The following KCNQ1 variants were observed in gnomAD, a reference collection of about 807,000 sequenced individuals.
KCNQ1 encodes the protein potassium voltage-gated channel subfamily KQT member 1.
KCNQ1 carries 49 observed loss-of-function variants against 72.4 expected under a neutral mutation model. That is an observed-to-expected ratio of 0.68 (90% confidence interval 0.54 to 0.86). KCNQ1 has a LOEUF of 0.86. KCNQ1 is among the 40% of genes least tolerant of loss of function. The pLI is 0.00. For missense variants in KCNQ1, 790 were observed against 945.1 expected (o/e 0.84, Z 2.15); for synonymous variants, 450 against 412.6 (o/e 1.09, Z -1.10).
In KCNQ1 at chr11:2,735,525, A is replaced by G. The variant is rs1845942391; in HGVS notation, c.1515-33319A>G. On this transcript the variant is annotated intron_variant, in intron 11 of 15. Transcript: ENST00000155840. This position sits in a 1 kb window ranked among gnomAD's most constrained non-coding sequence, Gnocchi z 7.7. ...CCTCACCCACCCATCCACACCCCGCAGGCATCCTAGGGCCTGGCCCACCAC... is the reference window on the plus strand; with the variant it reads ...CCTCACCCACCCATCCACACCCCGCGGGCATCCTAGGGCCTGGCCCACCAC... 6.6e-6 allele frequency among the ~76,000 whole-genome samples: 1 copy of G among 151,616 alleles called. No homozygotes were observed. Among genetic ancestry groups the G allele is most frequent in the Admixed American group, 6.6e-5 (1 of 15,244 alleles).
chr11:2,793,970 C>T (rs934326897), intron 15 of KCNQ1, among the ~76,000 whole-genome samples: 7 of 152,122 alleles, frequency 4.6e-5, no homozygotes, highest in African/African-American at 1.7e-4. Context: ...GAGGGTGACA[C>T]AGGGTGGAAG....
At position 2,642,601 on chromosome 11, in the gene KCNQ1, C is replaced by G. The variant is rs1849596845; in HGVS notation, c.1394-19360C>G. 12 of 397,464 alleles carry G rather than the reference C, an allele frequency of 3.0e-5. No individual in the cohort carries two copies. In the East Asian group the frequency reaches 4.3e-4, roughly 14 times the overall value. The allele number at this position is 397,464 out of a possible 1,614,324, so 24.6% of individuals were successfully genotyped here. A position where few individuals can be genotyped will look rare whatever the true frequency, so the allele number is the denominator to read the frequency against. On this transcript the variant is annotated intron_variant, in intron 10 of 15. Transcript: ENST00000155840. This position sits in a 1 kb window ranked among gnomAD's most constrained non-coding sequence, Gnocchi z 4.3. Reference sequence around the variant, plus strand: ...AGTTTAGCCACTGGTTATTTTGTTTCTTTTCAAAAACCGATTTTGCATTTC... The same window carrying G: ...AGTTTAGCCACTGGTTATTTTGTTTGTTTTCAAAAACCGATTTTGCATTTC...
chr11:2,589,596 C>G (rs544679556), intron 10 of KCNQ1, among the ~76,000 whole-genome samples: 2 of 152,212 alleles, frequency 1.3e-5, no homozygotes, highest in South Asian at 4.2e-4. Flanking sequence ...CAGCAGTGCC[C>G]GGTTGTGGCT....
At chr11:2,503,111 AC>A (rs1847043759) in intron 1 of KCNQ1, among the ~76,000 whole-genome samples, 1 of 152,254 alleles carries the variant, frequency 6.6e-6, no homozygotes, top group South Asian at 2.1e-4. Flanking sequence ...ACTCTCCAGG[AC>A]ATTGGAGTGG....
At chr11:2,694,217 A>G in intron 11 of KCNQ1, 1 of 398,688 alleles carries the variant, frequency 2.5e-6, no homozygotes. Flanking sequence ...GTGAGGCTAT[A>G]GGTGTTAGAT....
rs572529223 is a variant in KCNQ1 at position 2,649,486 on chromosome 11, CT to C, written c.1394-12474del. 13 of 398,388 alleles carry C rather than the reference CT, an allele frequency of 3.3e-5. 1 individual carries two copies. The highest frequency in any genetic ancestry group is 5.8e-5 in the Non-Finnish European group (13 of 226,042). The allele number at this position is 398,388 out of a possible 1,614,324, so 24.7% of individuals were successfully genotyped here. On this transcript the variant is annotated intron_variant, in intron 10 of 15. Coordinates refer to ENST00000155840, the MANE Select transcript of KCNQ1 (RefSeq NM_000218.3). ...GGCTGATTTAGTAGTAATGAATTCC[CT>C]CAGTTTTTGCTTGTCTGAGGGAGGC...
chr11:2,780,658 G>A (rs757220433), intron 15 of KCNQ1, among the ~76,000 whole-genome samples: 3 of 152,232 alleles, frequency 2.0e-5, no homozygotes, highest in South Asian at 2.1e-4. Context: ...AGAGGTCTCC[G>A]GGATGCACAG....
intron 11 of KCNQ1, chr11:2,699,770 A>G: frequency 2.7e-6 from 1 of 370,226 alleles, no homozygotes; most frequent in Non-Finnish European, 4.7e-6. Flanking sequence ...CGCGCTGAGG[A>G]GCCCCGAGGA....
chr11:2,753,218 G>A (rs913157267), intron 11 of KCNQ1, among the ~76,000 whole-genome samples: 3 of 152,148 alleles, frequency 2.0e-5, no homozygotes, highest in Non-Finnish European at 4.4e-5. Context: ...TATCTGAGGC[G>A]GGGGAGTCAC....
At chr11:2,504,152 A>G (rs1847062030) in intron 1 of KCNQ1, among the ~76,000 whole-genome samples, 1 of 152,258 alleles carries the variant, frequency 6.6e-6, no homozygotes, top group South Asian at 2.1e-4. Flanking sequence ...TAGCCATGAA[A>G]AAGAATGAGA....
At position 2,464,636 on chromosome 11, in the gene KCNQ1, G is replaced by A. The variant is rs73419509; in HGVS notation, c.386+19152G>A. On this transcript the variant is annotated intron_variant, in intron 1 of 15. Transcript: ENST00000155840. This position sits in a 1 kb window ranked among gnomAD's most constrained non-coding sequence, Gnocchi z 5.0. The stretch of plus-strand genomic sequence containing the variant: ...GGGGAGGCCTGGGGGACAGGAGTTG[G>A]GGGGGTGGGCAGTGCCTCTGTGTGG... Among the ~76,000 whole-genome samples, 786 of 152,224 alleles carry A rather than the reference G, an allele frequency of 5.2e-3. 5 individuals carry two copies. The highest frequency in any genetic ancestry group is 0.018 in the African/African-American group (759 of 41,514).
At chr11:2,804,381 C>T (rs906913444) in intron 15 of KCNQ1, among the ~76,000 whole-genome samples, 4 of 152,186 alleles carry the variant, frequency 2.6e-5, no homozygotes, top group East Asian at 1.9e-4. Flanking sequence ...GAATGCAGGC[C>T]GCCTGGTCAA....
rs188672886 is a variant in KCNQ1, at chr11:2,677,012, A to G, written c.1514+14931A>G. The G allele has an allele frequency of 1.5e-5, 6 of 398,626 alleles. No individual in the cohort carries two copies. Among genetic ancestry groups the G allele is most frequent in the African/African-American group, 1.2e-4 (6 of 48,754 alleles). 24.7% of individuals were successfully genotyped at this position (398,626 alleles called of 1,614,324 possible). On this transcript the variant is annotated intron_variant, in intron 11 of 15. Coordinates refer to ENST00000155840, the MANE Select transcript of KCNQ1 (RefSeq NM_000218.3). This position sits in a 1 kb window ranked among gnomAD's most constrained non-coding sequence, Gnocchi z 4.5. ...GCAGAGTTTCATTGTGCCATGATTT[A>G]TGGAACAGATCCTCTGTTGATGGAT...
Position 2,462,376 on chromosome 11 carries a change from C to T in KCNQ1, c.386+16892C>T, listed in dbSNP as rs570741265. Reference sequence around the variant, plus strand: ...CTTCTGACTTGCCTCCTCTCTCTGACGGGCCTGCTCCTGAGCTTGACACCT... The same window carrying T: ...CTTCTGACTTGCCTCCTCTCTCTGATGGGCCTGCTCCTGAGCTTGACACCT... On this transcript the variant is annotated intron_variant, in intron 1 of 15. Coordinates refer to ENST00000155840, the MANE Select transcript of KCNQ1 (RefSeq NM_000218.3). This position sits in a 1 kb window ranked among gnomAD's most constrained non-coding sequence, Gnocchi z 8.2. Among the ~76,000 whole-genome samples the T allele has an allele frequency of 5.1e-4, 78 of 152,216 alleles. No homozygotes were observed. The highest frequency in any genetic ancestry group is 9.6e-4 in the Non-Finnish European group (65 of 68,040).
rs1846540108 is a variant in KCNQ1 at position 2,768,804 on chromosome 11, G to A, written c.1515-40G>A. 30 of 1,516,900 alleles carry A rather than the reference G, an allele frequency of 2.0e-5. No individual in the cohort carries two copies. Among genetic ancestry groups the A allele is most frequent in the Non-Finnish European group, 2.7e-5 (30 of 1,091,252 alleles). The allele number at this position is 1,516,900 out of a possible 1,614,324, so 94.0% of individuals were successfully genotyped here. ...GGGCAGTGAGGGGATGACCAGCACA[G>A]GGTGGCCACTCACAATCTCCTCTCC... On this transcript the variant is annotated intron_variant, in intron 11 of 15. Transcript: ENST00000155840. This position sits in a 1 kb window ranked among gnomAD's most constrained non-coding sequence, Gnocchi z 6.7.
Position 2,493,234 on chromosome 11 carries a change from G to A in KCNQ1, c.387-34694G>A, listed in dbSNP as rs1228628314. 6.6e-6 allele frequency among the ~76,000 whole-genome samples: 1 copy of A among 151,972 alleles called. No individual in the cohort carries two copies. Among genetic ancestry groups the A allele is most frequent in the African/African-American group, 2.4e-5 (1 of 41,354 alleles). On this transcript the variant is annotated intron_variant, in intron 1 of 15. Coordinates refer to ENST00000155840, the MANE Select transcript of KCNQ1 (RefSeq NM_000218.3). The surrounding 1 kb of genome is among the most constrained non-coding windows in gnomAD (Gnocchi z 5.3). ...TTTTTCTTGTAAATTTAAGTTCCTTGTAGATTTTGGATATTAGACCTTGTC... is the reference window on the plus strand; with the variant it reads ...TTTTTCTTGTAAATTTAAGTTCCTTATAGATTTTGGATATTAGACCTTGTC...
intron 15 of KCNQ1, among the ~76,000 whole-genome samples, chr11:2,838,932 C>T (rs1198829267): frequency 6.6e-6 from 1 of 152,180 alleles, no homozygotes; most frequent in Non-Finnish European, 1.5e-5. Flanking sequence ...GCTCCTGGGC[C>T]CCCAGCCTGC....
At position 2,563,909 on chromosome 11, in the gene KCNQ1, G is replaced by A. The variant is rs1848209494; in HGVS notation, c.478-6719G>A. ...TGCTGAACTAACAATAGTCAGTGAAGATTAAGAACTAAAGGCTCAAGGACA... is the reference window on the plus strand; with the variant it reads ...TGCTGAACTAACAATAGTCAGTGAAAATTAAGAACTAAAGGCTCAAGGACA... On this transcript the variant is annotated intron_variant, in intron 2 of 15. Transcript: ENST00000155840. The surrounding 1 kb of genome is among the most constrained non-coding windows in gnomAD (Gnocchi z 7.4). Among the ~76,000 whole-genome samples the A allele has an allele frequency of 6.6e-6, 1 of 152,232 alleles. No homozygotes were observed. The highest frequency in any genetic ancestry group is 6.5e-5 in the Admixed American group (1 of 15,288).
intron 6 of KCNQ1, among the ~76,000 whole-genome samples, chr11:2,581,889 T>G (rs1183014526): frequency 6.6e-6 from 1 of 152,054 alleles, no homozygotes; most frequent in African/African-American, 2.4e-5. Context: ...CATGGGGGCA[T>G]GTGTGTGTCT....
Sources: allele counts gnomAD v4.1 joint callset (sites outside exome capture counted in the v4.1 genomes callset), GRCh38; gene constraint gnomAD v4.1.1; non-coding constraint Gnocchi (gnomAD v3.1); transcripts MANE v1.5; gene names NCBI Gene and HGNC (gene_info 2026-07-23, HGNC 2026-07-21).